The following NRXN3 variants were observed in gnomAD, a reference collection of about 807,000 sequenced individuals.
NRXN3 encodes the protein neurexin III.
A neutral mutation model predicts 137.6 loss-of-function variants in NRXN3; 32 were observed. That is an observed-to-expected ratio of 0.23 (90% CI 0.18 to 0.31). The LOEUF is 0.31. Ranked by LOEUF, NRXN3 falls within the 10% of genes least tolerant of loss-of-function variation. The pLI is 1.00. For synonymous variants in NRXN3, 798 were observed against 784.5 expected (o/e 1.02, Z -0.29); for missense variants, 1,574 against 2,062.5 (o/e 0.76, Z 4.59).
At chr14:79,009,104 A>G (rs1231745792) in intron 15 of NRXN3, among the ~76,000 whole-genome samples, 1 of 152,104 alleles carries the variant, frequency 6.6e-6, no homozygotes, top group African/African-American at 2.4e-5. Flanking sequence ...ATTACTGGAA[A>G]AGCATTCTTT....
At chr14:78,941,796 A>T (rs2099353497) in intron 10 of NRXN3, among the ~76,000 whole-genome samples, 1 of 152,224 alleles carries the variant, frequency 6.6e-6, no homozygotes, top group South Asian at 2.1e-4. Flanking sequence ...TTTATGCGTC[A>T]TTATCCCCGC....
chr14:79,753,697 G>A (rs1288776821), intron 19 of NRXN3, among the ~76,000 whole-genome samples: 1 of 151,462 alleles, frequency 6.6e-6, no homozygotes, highest in Non-Finnish European at 1.5e-5. Flanking sequence ...TTGTGCATAT[G>A]TACCCTAAAA....
chr14:78,430,507 C>G (rs1238206156), intron 4 of NRXN3, among the ~76,000 whole-genome samples: 1 of 152,154 alleles, frequency 6.6e-6, no homozygotes, highest in Non-Finnish European at 1.5e-5. Flanking sequence ...AAAGCCAGCA[C>G]CTAAGGTTTT....
At chr14:78,177,065 C>G (rs1425461499) in intron 1 of NRXN3, among the ~76,000 whole-genome samples, 2 of 152,162 alleles carry the variant, frequency 1.3e-5, no homozygotes, top group African/African-American at 4.8e-5. Flanking sequence ...CCATATAGCC[C>G]TGCCCGTCAA....
intron 10 of NRXN3, among the ~76,000 whole-genome samples, chr14:78,836,631 G>A (rs2098997785): frequency 6.6e-6 from 1 of 152,180 alleles, no homozygotes; most frequent in East Asian, 1.9e-4. Context: ...CAGAAAGAAA[G>A]GAAAATAAAA....
intron 4 of NRXN3, among the ~76,000 whole-genome samples, chr14:78,460,200 C>T (rs936075964): frequency 1.3e-5 from 2 of 152,372 alleles, no homozygotes; most frequent in East Asian, 3.9e-4. Context: ...CAGCACACCA[C>T]CCTCCAGGAA....
intron 10 of NRXN3, among the ~76,000 whole-genome samples, chr14:78,856,696 T>C (rs2099058116): frequency 6.6e-6 from 1 of 152,126 alleles, no homozygotes; most frequent in Admixed American, 6.5e-5. Context: ...TAGGTAATAT[T>C]ATCTTTAAAG....
intron 4 of NRXN3, among the ~76,000 whole-genome samples, chr14:78,311,453 C>T (rs1378761127): frequency 6.6e-6 from 1 of 152,190 alleles, no homozygotes; most frequent in East Asian, 1.9e-4. Context: ...CCCAGGTCTG[C>T]AGGCTGCACA....
chr14:78,820,488 C>T (rs1221411464), intron 10 of NRXN3, among the ~76,000 whole-genome samples: 1 of 146,266 alleles, frequency 6.8e-6, no homozygotes, highest in Non-Finnish European at 1.5e-5. Context: ...ACTAGAATCA[C>T]ATAGCTTTTT....
intron 4 of NRXN3, among the ~76,000 whole-genome samples, chr14:78,321,146 A>T (rs889147793): frequency 6.6e-6 from 1 of 151,888 alleles, no homozygotes; most frequent in Admixed American, 6.6e-5. Context: ...AAGAAAAAAG[A>T]TCACCCAGCC....
intron 4 of NRXN3, among the ~76,000 whole-genome samples, chr14:78,566,990 T>A (rs554153438): frequency 6.6e-6 from 1 of 152,270 alleles, no homozygotes; most frequent in South Asian, 2.1e-4. Context: ...AAGAGGAACA[T>A]CCCTGGGAGA....
intron 9 of NRXN3, among the ~76,000 whole-genome samples, chr14:78,804,121 T>G (rs1286251948): frequency 6.6e-6 from 1 of 152,220 alleles, no homozygotes; most frequent in Non-Finnish European, 1.5e-5. Context: ...ACACGCTACT[T>G]TGGTCCATCT....
At chr14:78,344,980 A>G (rs1296880250) in intron 4 of NRXN3, among the ~76,000 whole-genome samples, 2 of 152,222 alleles carry the variant, frequency 1.3e-5, no homozygotes, top group Non-Finnish European at 2.9e-5. Flanking sequence ...GTTCTTAGGA[A>G]TAAACCAAGT....
At chr14:79,316,042 C>A (rs140101817) in intron 15 of NRXN3, among the ~76,000 whole-genome samples, 46 of 152,250 alleles carry the variant, frequency 3.0e-4, no homozygotes, top group African/African-American at 1.1e-3. Flanking sequence ...AGGTGTAAAT[C>A]GCTAGCCTTA....
chr14:78,991,495 A>T (rs181519031), intron 15 of NRXN3, among the ~76,000 whole-genome samples: 118 of 152,352 alleles, frequency 7.7e-4, no homozygotes, highest in African/African-American at 2.6e-3. Flanking sequence ...ATGGTTATGG[A>T]TATCTCATTT....
In NRXN3 at chr14:78,568,522, G is replaced by A. The variant is rs12588327; in HGVS notation, c.758-76598G>A. On this transcript the variant is annotated intron_variant, in intron 4 of 20. Coordinates refer to ENST00000335750, the MANE Select transcript of NRXN3 (RefSeq NM_001330195.2). The stretch of plus-strand genomic sequence containing the variant: ...TATCCAGTTTATAGCTGGAACTGGA[G>A]GTATACCAGGTATCCCAGACTTTGG... 4.9e-3 allele frequency among the ~76,000 whole-genome samples: 741 copies of A among 152,276 alleles called. 18 individuals carry two copies. In the East Asian group the frequency reaches 0.093, roughly 19 times the overall value.
chr14:78,509,879 CTT>C (rs1347346651), intron 4 of NRXN3, among the ~76,000 whole-genome samples: 5 of 152,082 alleles, frequency 3.3e-5, no homozygotes, highest in African/African-American at 9.7e-5. Context: ...TGACAAATAA[CTT>C]TGGCTTGTCT....
chr14:79,018,821 C>A (rs1437818959), intron 15 of NRXN3, among the ~76,000 whole-genome samples: 2 of 152,142 alleles, frequency 1.3e-5, no homozygotes, highest in African/African-American at 2.4e-5. Context: ...CTATCTTTAT[C>A]TAAATCAAGG....
chr14:78,985,813 T>C (rs1052814929), intron 14 of NRXN3, among the ~76,000 whole-genome samples: 2 of 152,208 alleles, frequency 1.3e-5, no homozygotes, highest in African/African-American at 4.8e-5. Flanking sequence ...GCTGTCCTGA[T>C]TTACCATTGT....
Sources: gnomAD v4.1 joint callset for allele counts (sites outside exome capture counted in the v4.1 genomes callset) on GRCh38, gnomAD v4.1.1 for gene constraint, MANE v1.5 for transcripts, NCBI Gene and HGNC (gene_info 2026-07-23, HGNC 2026-07-21) for gene names.